Variants in MED27 observed in about 807,000 individuals in gnomAD.
MED27 encodes the protein mediator complex subunit 27, also known as mediator of RNA polymerase II transcription subunit 27.
In MED27, 30 loss-of-function variants were observed where a neutral mutation model predicts 38.2. The ratio of observed to expected loss-of-function variants is 0.79; its 90% CI spans 0.59 to 1.07. The LOEUF (loss-of-function observed/expected upper bound fraction) is 1.07. Among genes scored for constraint, MED27 ranks in the 50% least tolerant of loss-of-function variants. The probability of loss-of-function intolerance (pLI) is 0.00; values close to 1 mark genes in which losing one functional copy is unlikely to be tolerated. For synonymous variants in MED27, 122 were observed against 153.5 expected, an observed-to-expected ratio of 0.79 and a Z score of 1.52; for missense variants, 289 against 397.5, an observed-to-expected ratio of 0.73 and a Z score of 2.32.
In MED27 at chr9:131,907,551, G is replaced by A. The variant is rs954594458; in HGVS notation, c.574-13559C>T. Among the ~76,000 whole-genome samples the A allele has an allele frequency of 8.5e-5, 13 of 152,284 alleles. 1 individual carries two copies. The highest frequency in any genetic ancestry group is 2.9e-4 in the African/African-American group (12 of 41,568). ...GGTGCCCAGGCTGGAGTGCAGTGGCGTGATCTCGGCTGGCTACAACCTCCA... is the reference window on the plus strand; with the variant it reads ...GGTGCCCAGGCTGGAGTGCAGTGGCATGATCTCGGCTGGCTACAACCTCCA... On this transcript the variant is annotated intron_variant, in intron 4 of 7. Transcript: ENST00000292035.
At chr9:132,036,748 G>A (rs1833088385) in intron 2 of MED27, among the ~76,000 whole-genome samples, 2 of 152,134 alleles carry the variant, frequency 1.3e-5, no homozygotes, top group South Asian at 4.1e-4. Context: ...TCTATTTCCA[G>A]GTACAGTGTT....
At chr9:131,941,911 C>T (rs987692208) in intron 3 of MED27, among the ~76,000 whole-genome samples, 10 of 147,210 alleles carry the variant, frequency 6.8e-5, no homozygotes, top group African/African-American at 2.0e-4. Context: ...CTGCAAGCTC[C>T]ACCTCCCTGG....
chr9:131,913,110 T>C lies in MED27; in HGVS notation c.574-19118A>G, dbSNP rs1830219779. Among the ~76,000 whole-genome samples the C allele has an allele frequency of 6.6e-6, 1 of 152,208 alleles. No individual in the cohort carries two copies. Among genetic ancestry groups the C allele is most frequent in the African/African-American group, 2.4e-5 (1 of 41,448 alleles). ...TAGAACTGGGAAAGTCAGAAGTATTTTCAGAAAGCACTGCCTACCAAAATT... is the reference window on the plus strand; with the variant it reads ...TAGAACTGGGAAAGTCAGAAGTATTCTCAGAAAGCACTGCCTACCAAAATT... On this transcript the variant is annotated intron_variant, in intron 4 of 7. Coordinates refer to ENST00000292035, the MANE Select transcript of MED27 (RefSeq NM_004269.4). This position sits in a 1 kb window ranked among gnomAD's most constrained non-coding sequence, Gnocchi z 4.5.
Position 131,957,534 on chromosome 9 carries a change from T to C in MED27, c.480-18060A>G, listed in dbSNP as rs7039236. On this transcript the variant is annotated intron_variant, in intron 3 of 7. Coordinates refer to ENST00000292035, the MANE Select transcript of MED27 (RefSeq NM_004269.4). The stretch of plus-strand genomic sequence containing the variant: ...GCCTCCCAAAGCATTGGGATTACAA[T>C]GTAGCATGAGCTACAGACCATGTGC... Among the ~76,000 whole-genome samples, 793 of 152,320 alleles carry C rather than the reference T, an allele frequency of 5.2e-3. 12 individuals carry two copies. Among genetic ancestry groups the C allele is most frequent in the African/African-American group, 0.018 (736 of 41,570 alleles).
In MED27 at chr9:131,907,508, G is replaced by A. The variant is rs556935783; in HGVS notation, c.574-13516C>T. On this transcript the variant is annotated intron_variant, in intron 4 of 7. Coordinates refer to ENST00000292035, the MANE Select transcript of MED27 (RefSeq NM_004269.4). ...GTGCCGGGATTGCAGACGTAGCCTC[G>A]TTCACTCAGTGCTCAATGGTGCCCA... Among the ~76,000 whole-genome samples the A allele has an allele frequency of 7.9e-5, 12 of 152,302 alleles. No homozygotes were observed. The East Asian group carries it at 1.3e-3, about 17-fold the overall frequency.
chr9:131,874,671 G>A (rs1156784590), intron 6 of MED27, among the ~76,000 whole-genome samples: 1 of 152,170 alleles, frequency 6.6e-6, no homozygotes, highest in Non-Finnish European at 1.5e-5. Context: ...GGCGTCTGCC[G>A]AAGGCCCTGT....
intron 5 of MED27, among the ~76,000 whole-genome samples, chr9:131,886,057 G>A (rs1419749159): frequency 6.6e-6 from 1 of 152,204 alleles, no homozygotes; most frequent in Non-Finnish European, 1.5e-5. Context: ...AGTCCTTTAA[G>A]AAGACAGGAC....
chr9:131,955,660 TG>T (rs1831082027), intron 3 of MED27, among the ~76,000 whole-genome samples: 1 of 152,202 alleles, frequency 6.6e-6, no homozygotes, highest in African/African-American at 2.4e-5. Flanking sequence ...CTTTGAAAGA[TG>T]TAAGTTATAT....
intron 5 of MED27, among the ~76,000 whole-genome samples, chr9:131,887,776 T>A (rs924169931): frequency 6.6e-6 from 1 of 152,208 alleles, no homozygotes; most frequent in Non-Finnish European, 1.5e-5. Flanking sequence ...CGAAGCACCC[T>A]TCAGTATTCT....
intron 6 of MED27, among the ~76,000 whole-genome samples, chr9:131,873,552 C>T (rs142547939): frequency 1.8e-3 from 281 of 152,278 alleles, no homozygotes; most frequent in African/African-American, 2.4e-3. Flanking sequence ...GAGGAAACAT[C>T]GAAGCCCACA....
At chr9:132,055,718 T>A (rs1271335231) in intron 2 of MED27, among the ~76,000 whole-genome samples, 5 of 152,202 alleles carry the variant, frequency 3.3e-5, no homozygotes, top group South Asian at 4.1e-4. Flanking sequence ...ATCCATCCGT[T>A]CACTGGAACC....
intron 3 of MED27, among the ~76,000 whole-genome samples, chr9:131,961,157 C>T (rs1158823482): frequency 1.3e-5 from 2 of 152,160 alleles, no homozygotes; most frequent in Non-Finnish European, 2.9e-5. Context: ...CATTTTTAAC[C>T]CTCCAAAGTA....
At chr9:131,906,450 A>AGGGGGTC (rs58138362) in intron 4 of MED27, among the ~76,000 whole-genome samples, 123,636 of 151,510 alleles carry the variant, frequency 0.82, 50,758 homozygotes, top group Middle Eastern at 0.88. Flanking sequence ...AGGAACAGAA[A>AGGGGGTC]GGAGGTCGGA....
chr9:131,924,201 A>C (rs1458066352), intron 4 of MED27, among the ~76,000 whole-genome samples: 1 of 152,220 alleles, frequency 6.6e-6, no homozygotes, highest in Non-Finnish European at 1.5e-5. Context: ...TTAGCAAGGT[A>C]TGAGAGGGCG....
chr9:131,922,339 A>G (rs1830407808), intron 4 of MED27, among the ~76,000 whole-genome samples: 2 of 151,934 alleles, frequency 1.3e-5, no homozygotes, highest in Non-Finnish European at 2.9e-5. Flanking sequence ...AAGGATTACT[A>G]CTGTATTCAA....
intron 4 of MED27, among the ~76,000 whole-genome samples, chr9:131,937,967 T>G (rs1013633812): frequency 6.6e-6 from 1 of 152,196 alleles, no homozygotes; most frequent in African/African-American, 2.4e-5. Context: ...TGAAGAAAAC[T>G]GTTTCCCTTT....
At chr9:131,970,079 C>T (rs995528681) in intron 3 of MED27, among the ~76,000 whole-genome samples, 5 of 152,158 alleles carry the variant, frequency 3.3e-5, no homozygotes, top group African/African-American at 1.2e-4. Context: ...GGCCCTGCAG[C>T]GGGAGCCTTG....
intron 3 of MED27, among the ~76,000 whole-genome samples, chr9:131,992,743 G>A (rs562338820): frequency 2.0e-5 from 3 of 152,218 alleles, no homozygotes; most frequent in Non-Finnish European, 2.9e-5. Flanking sequence ...TCATACAAAA[G>A]ATAACTCTTC....
At chr9:131,983,248 T>C (rs1281582430) in intron 3 of MED27, among the ~76,000 whole-genome samples, 1 of 152,216 alleles carries the variant, frequency 6.6e-6, no homozygotes, top group Non-Finnish European at 1.5e-5. Context: ...AAAGCTACCA[T>C]GGATTTTCCC....
Sources: gnomAD v4.1 joint callset for allele counts (sites outside exome capture counted in the v4.1 genomes callset) on GRCh38, gnomAD v4.1.1 for gene constraint, Gnocchi (gnomAD v3.1) non-coding constraint, MANE v1.5 for transcripts, NCBI Gene and HGNC (gene_info 2026-07-23, HGNC 2026-07-21) for gene names.